The following COL14A1 variants were observed in gnomAD, a reference collection of about 807,000 sequenced individuals.
COL14A1 encodes collagen type XIV alpha 1 chain.
COL14A1 carries 136 observed loss-of-function variants against 230.3 expected under a neutral mutation model. The observed-to-expected ratio is 0.59, with a 90% CI of 0.51 to 0.68. The LOEUF (loss-of-function observed/expected upper bound fraction) is 0.68. Among genes scored for constraint, COL14A1 ranks in the 30% least tolerant of loss-of-function variants. The pLI, the probability that COL14A1 is intolerant of heterozygous loss-of-function variation, is 0.00. For synonymous variants in COL14A1, 792 were observed against 784.1 expected (o/e 1.01, Z -0.17); for missense variants, 1,976 against 2,215.8 (o/e 0.89, Z 2.17).
chr8:120,267,693 A>G (rs145204789), intron 25 of COL14A1, among the ~76,000 whole-genome samples: 45 of 152,052 alleles, frequency 3.0e-4, no homozygotes, highest in African/African-American at 1.0e-3. Flanking sequence ...TTAGTGAACC[A>G]TAAATGCTTT....
At chr8:120,164,101 C>A (rs1815782529) in intron 4 of COL14A1, among the ~76,000 whole-genome samples, 1 of 152,136 alleles carries the variant, frequency 6.6e-6, no homozygotes, top group Admixed American at 6.5e-5. Flanking sequence ...TTTTAAAAAA[C>A]CCAATTTATT....
Position 120,154,363 on chromosome 8 carries a change from A to G in COL14A1, c.89-3767A>G, listed in dbSNP as rs530637350. Among the ~76,000 whole-genome samples the G allele has an allele frequency of 1.7e-3, 253 of 152,292 alleles. 2 individuals are homozygous for G. Among genetic ancestry groups the G allele is most frequent in the African/African-American group, 5.8e-3 (240 of 41,544 alleles). On this transcript the variant is annotated intron_variant, in intron 2 of 47. Coordinates refer to ENST00000297848, the MANE Select transcript of COL14A1 (RefSeq NM_021110.4). ...ATTTCTCTCCTGCCTATGAGCCTCTATGGGAATGATTGCAGTGGTATTCTT... is the reference window on the plus strand; with the variant it reads ...ATTTCTCTCCTGCCTATGAGCCTCTGTGGGAATGATTGCAGTGGTATTCTT...
intron 19 of COL14A1, among the ~76,000 whole-genome samples, chr8:120,241,454 T>C (rs998626565): frequency 6.6e-6 from 1 of 152,130 alleles, no homozygotes; most frequent in African/African-American, 2.4e-5. Context: ...CTTTGGGTGA[T>C]ATTAGAGCCA....
chr8:120,270,295 T>C, intron 26 of COL14A1, 121 bp downstream of exon 26: 1 of 1,014,292 alleles, frequency 9.9e-7, no homozygotes, highest in Non-Finnish European at 1.4e-6. Context: ...CAACCTTAAA[T>C]GAAAGGATAG....
intron 22 of COL14A1, among the ~76,000 whole-genome samples, chr8:120,251,562 A>G (rs1818951872): frequency 1.3e-5 from 2 of 152,164 alleles, no homozygotes; most frequent in South Asian, 2.1e-4. Context: ...AGACACCCAC[A>G]CAATAATGCA....
At chr8:120,169,291 G>T (rs923027827) in intron 5 of COL14A1, among the ~76,000 whole-genome samples, 1 of 152,166 alleles carries the variant, frequency 6.6e-6, no homozygotes. Flanking sequence ...TTGATAGATG[G>T]CAGGCTCTAT....
At chr8:120,190,328 G>T (rs1179980169) in intron 5 of COL14A1, among the ~76,000 whole-genome samples, 4 of 152,030 alleles carry the variant, frequency 2.6e-5, no homozygotes, top group Admixed American at 6.6e-5. Flanking sequence ...TTTTTGATGG[G>T]GTTGTTTGTT....
At position 120,158,337 on chromosome 8, in the gene COL14A1, T is replaced by C. The variant is rs551472046; in HGVS notation, c.205+91T>C. On this transcript the variant is annotated intron_variant, in intron 3 of 47. Transcript: ENST00000297848. ...TGTAGTGCCAAGCATTGTGTTAGGA[T>C]TTTTTGGAAGCTTTTGGTTTGTTTA... The C allele has an allele frequency of 8.4e-5, 65 of 777,916 alleles. 1 individual carries two copies. The South Asian group carries it at 9.7e-4, about 12-fold the overall frequency. 48.2% of individuals were successfully genotyped at this position (777,916 alleles called of 1,614,324 possible). A position where few individuals can be genotyped will look rare whatever the true frequency, so the allele number is the denominator to read the frequency against.
chr8:120,158,292 T>C (rs1815548442), intron 3 of COL14A1, 46 bp downstream of exon 3: 1 of 1,079,788 alleles, frequency 9.3e-7, no homozygotes, highest in Non-Finnish European at 1.4e-6. Flanking sequence ...CAACTTTTCA[T>C]GCATAGGCAA....
rs577366036 is a variant in COL14A1 at position 120,349,272 on chromosome 8, C to T, written c.5077+3709C>T. On this transcript the variant is annotated intron_variant, in intron 45 of 47. Transcript: ENST00000297848. ...ATCAAAGACCAAAAGTAGATAAAAC[C>T]ACAAAGATGGGGAAAAAACAGAACA... is the stretch of plus-strand genomic sequence containing the variant. Among the ~76,000 whole-genome samples, 454 of 149,622 alleles carry T rather than the reference C, an allele frequency of 3.0e-3. 2 individuals carry two copies. The highest frequency in any genetic ancestry group is 0.011 in the African/African-American group (433 of 40,092).
At chr8:120,306,473 C>G (rs1225890182) in intron 36 of COL14A1, among the ~76,000 whole-genome samples, 1 of 152,066 alleles carries the variant, frequency 6.6e-6, no homozygotes, top group East Asian at 1.9e-4. Flanking sequence ...GAAATAGTAT[C>G]CTGAGCAATA....
At chr8:120,333,956 T>A (rs906598373) in intron 42 of COL14A1, among the ~76,000 whole-genome samples, 3 of 152,250 alleles carry the variant, frequency 2.0e-5, no homozygotes, top group Admixed American at 6.5e-5. Context: ...TCTCCCTAGA[T>A]AATTCCCAGA....
At chr8:120,370,985 C>G in intron 47 of COL14A1, 167 bp from the exon 48 acceptor site, 2 of 1,069,800 alleles carry the variant, frequency 1.9e-6, no homozygotes, top group Non-Finnish European at 2.7e-6. Context: ...TATTTACTAA[C>G]TGTCTGAAAC....
At chr8:120,282,241 A>G (rs1820060731) in intron 31 of COL14A1, among the ~76,000 whole-genome samples, 1 of 152,218 alleles carries the variant, frequency 6.6e-6, no homozygotes, top group Admixed American at 6.5e-5. Flanking sequence ...AGAACAAAAA[A>G]GCCTTATTCT....
chr8:120,142,180 T>C (rs1814937728), intron 1 of COL14A1, among the ~76,000 whole-genome samples: 1 of 152,204 alleles, frequency 6.6e-6, no homozygotes, highest in Non-Finnish European at 1.5e-5. Flanking sequence ...AAGGAAATCT[T>C]AGAATATTTC....
At chr8:120,230,287 G>C (rs2130814374) in intron 18 of COL14A1, among the ~76,000 whole-genome samples, 2 of 152,166 alleles carry the variant, frequency 1.3e-5, no homozygotes, top group South Asian at 4.2e-4. Flanking sequence ...TCTCAGCTTA[G>C]CTTTCCCCTT....
At chr8:120,215,126 T>G (rs1817712645) in intron 13 of COL14A1, among the ~76,000 whole-genome samples, 1 of 152,160 alleles carries the variant, frequency 6.6e-6, no homozygotes, top group South Asian at 2.1e-4. Context: ...TGCCAGCACT[T>G]TGGGAGGCCA....
At chr8:120,205,702 T>C (rs1424550492) in intron 9 of COL14A1, among the ~76,000 whole-genome samples, 1 of 152,144 alleles carries the variant, frequency 6.6e-6, no homozygotes, top group African/African-American at 2.4e-5. Flanking sequence ...CCTGAACACA[T>C]TTCTCTGAGC....
chr8:120,321,455 A>G (rs1437790884), intron 40 of COL14A1, among the ~76,000 whole-genome samples: 2 of 151,990 alleles, frequency 1.3e-5, no homozygotes, highest in Non-Finnish European at 2.9e-5. Flanking sequence ...CCTGGCCAAC[A>G]TGGTGATACC....
Sources: gnomAD v4.1 joint callset for allele counts (sites outside exome capture counted in the v4.1 genomes callset) on GRCh38, gnomAD v4.1.1 for gene constraint, MANE v1.5 for transcripts, NCBI Gene and HGNC (gene_info 2026-07-23, HGNC 2026-07-21) for gene names.